Variants in RTTN observed in about 807,000 individuals in gnomAD.
The protein encoded by RTTN is rotatin.
RTTN carries 182 observed loss-of-function variants against 269.2 expected under a neutral mutation model. The observed-to-expected ratio is 0.68, with a 90% CI of 0.60 to 0.76. The LOEUF is 0.76. Among genes scored for constraint, RTTN ranks in the 30% least tolerant of loss-of-function variants. RTTN has a pLI of 0.00. For synonymous variants in RTTN, 1,006 were observed against 963.5 expected (o/e 1.04, Z -0.82); for missense variants, 2,545 against 2,608.6 (o/e 0.98, Z 0.53).
At chr18:70,202,080 G>T in intron 3 of RTTN, 97 bp from the exon 4 acceptor site, 1 of 634,434 alleles carries the variant, frequency 1.6e-6, no homozygotes, top group Non-Finnish European at 2.6e-6. Context: ...TTAAGTATTG[G>T]AATCATTTTA....
intron 35 of RTTN, among the ~76,000 whole-genome samples, chr18:70,063,427 C>T (rs1230256170): frequency 6.6e-6 from 1 of 152,076 alleles, no homozygotes; most frequent in Non-Finnish European, 1.5e-5. Flanking sequence ...TTCTTTTCCC[C>T]TCAAATATTA....
chr18:70,187,191 A>G (rs543380768), intron 10 of RTTN, among the ~76,000 whole-genome samples: 7 of 152,306 alleles, frequency 4.6e-5, no homozygotes, highest in Admixed American at 1.3e-4. Context: ...CCTATAAAAA[A>G]GAACGAGAAA....
chr18:70,006,632 T>C, intron 46 of RTTN, 148 bp from the exon 47 acceptor site: 3 of 644,214 alleles, frequency 4.7e-6, no homozygotes, highest in South Asian at 1.9e-5. Flanking sequence ...CAATCTTTTA[T>C]GCCATGTGGT....
intron 10 of RTTN, among the ~76,000 whole-genome samples, chr18:70,186,217 T>C (rs1488476295): frequency 6.6e-6 from 1 of 152,220 alleles, no homozygotes; most frequent in East Asian, 1.9e-4. Context: ...AATTGTGGTA[T>C]GTCCACACAA....
In RTTN at chr18:70,054,182, G is replaced by A; in HGVS notation, c.5134C>T (p.Leu1712Phe). The change falls in exon 38 of 49, where the codon CTT becomes TTT. Residue 1712 changes from leucine to phenylalanine, a missense_variant. Transcript: ENST00000640769. ...LVIQDELVKP[L>F]ITNIIGILTI... The stretch of plus-strand genomic sequence containing the variant: ...AGAATTCCAATGATATTGGTGATAA[G>A]AGGTTTCACAAGCTCATCCTGAATC... The A allele has an allele frequency of 6.2e-7, 1 of 1,613,608 alleles. No individual in the cohort carries two copies. Among genetic ancestry groups the A allele is most frequent in the Non-Finnish European group, 8.5e-7 (1 of 1,179,626 alleles).
At chr18:70,029,330 T>C (rs904033494) in intron 42 of RTTN, among the ~76,000 whole-genome samples, 3 of 152,220 alleles carry the variant, frequency 2.0e-5, no homozygotes, top group African/African-American at 7.2e-5. Context: ...ATTTATATAT[T>C]TATACTATTC....
intron 35 of RTTN, 120 bp downstream of exon 35, chr18:70,065,709 A>G (rs1599357807): frequency 3.9e-6 from 2 of 513,290 alleles, no homozygotes; most frequent in Middle Eastern, 3.0e-4. Flanking sequence ...TGTATTTCAT[A>G]ATGGTCTACA....
rs532857297 is a variant in RTTN at position 70,193,705 on chromosome 18, C to T, written c.842-252G>A. On this transcript the variant is annotated intron_variant, in intron 7 of 48. Coordinates refer to ENST00000640769, the MANE Select transcript of RTTN (RefSeq NM_173630.4). ...CATTCAGTTACAACATTAGAGACTACCAAAGCAGAAAAACACTAGATCATG... is the reference window on the plus strand; with the variant it reads ...CATTCAGTTACAACATTAGAGACTATCAAAGCAGAAAAACACTAGATCATG... Among the ~76,000 whole-genome samples the T allele has an allele frequency of 3.9e-5, 6 of 152,250 alleles. No homozygotes were observed. In the South Asian group the frequency reaches 1.2e-3, roughly 32 times the overall value.
intron 28 of RTTN, among the ~76,000 whole-genome samples, chr18:70,095,254 A>T (rs1375825701): frequency 1.3e-5 from 2 of 151,728 alleles, no homozygotes; most frequent in East Asian, 3.9e-4. Context: ...TCTTTATCCA[A>T]TTTGCCAGTC....
chr18:70,048,499 C>G (rs1473242372), intron 39 of RTTN, among the ~76,000 whole-genome samples: 1 of 152,182 alleles, frequency 6.6e-6, no homozygotes, highest in Admixed American at 6.5e-5. Context: ...TACACTGAAA[C>G]AGTCATTATT....
chr18:70,141,861 T>A (rs922810012), intron 19 of RTTN, among the ~76,000 whole-genome samples: 11 of 152,162 alleles, frequency 7.2e-5, no homozygotes, highest in African/African-American at 2.4e-4. Flanking sequence ...TTTGATTAAT[T>A]TCCCTAAGCA....
intron 28 of RTTN, among the ~76,000 whole-genome samples, chr18:70,096,439 T>C (rs1394182932): frequency 1.3e-5 from 2 of 152,226 alleles, no homozygotes; most frequent in African/African-American, 4.8e-5. Context: ...CATGGATTTA[T>C]CTACCTTTGG....
chr18:70,195,039 G>A (rs921823442), intron 7 of RTTN, among the ~76,000 whole-genome samples: 15 of 152,166 alleles, frequency 9.9e-5, no homozygotes. Context: ...CTCTCCAAGA[G>A]CTTCTCACTA....
chr18:70,041,102 G>C (rs1388650577), intron 40 of RTTN, among the ~76,000 whole-genome samples: 2 of 152,044 alleles, frequency 1.3e-5, no homozygotes, highest in African/African-American at 2.4e-5. Flanking sequence ...AGCTTCTTGG[G>C]AGGCTTGAGG....
At chr18:70,053,848 G>A (rs1411352114) in intron 38 of RTTN, among the ~76,000 whole-genome samples, 1 of 152,222 alleles carries the variant, frequency 6.6e-6, no homozygotes, top group African/African-American at 2.4e-5. Context: ...TAGTTTATAA[G>A]AATAGTTAAT....
At chr18:70,153,631 C>T (rs2060598499) in intron 14 of RTTN, among the ~76,000 whole-genome samples, 2 of 152,212 alleles carry the variant, frequency 1.3e-5, no homozygotes, top group African/African-American at 4.8e-5. Context: ...TACTAGCACG[C>T]TCCTACATTT....
intron 8 of RTTN, among the ~76,000 whole-genome samples, chr18:70,191,927 G>A (rs2061681247): frequency 1.3e-5 from 2 of 152,108 alleles, no homozygotes; most frequent in Non-Finnish European, 2.9e-5. Context: ...GAGGCAGAAA[G>A]GCTTCAGGAG....
intron 28 of RTTN, among the ~76,000 whole-genome samples, chr18:70,093,514 G>T (rs1394898568): frequency 1.3e-5 from 2 of 152,144 alleles, no homozygotes; most frequent in Admixed American, 1.3e-4. Flanking sequence ...AGCATGAAGA[G>T]ATGTTGAATT....
At chr18:70,170,506 G>T (rs998410794) in intron 11 of RTTN, among the ~76,000 whole-genome samples, 6 of 152,194 alleles carry the variant, frequency 3.9e-5, no homozygotes, top group Non-Finnish European at 8.8e-5. Flanking sequence ...CCCTGGAAGG[G>T]TCAGGAGCCA....
Sources: allele counts gnomAD v4.1 joint callset (sites outside exome capture counted in the v4.1 genomes callset), GRCh38; gene constraint gnomAD v4.1.1; transcripts MANE v1.5; gene names NCBI Gene and HGNC (gene_info 2026-07-23, HGNC 2026-07-21).